Variants in ASRGL1 observed in about 807,000 individuals in gnomAD.
The protein encoded by ASRGL1 is asparaginase and isoaspartyl peptidase 1.
Under a neutral mutation model 22.4 loss-of-function variants are expected in ASRGL1, and 16 were observed. The ratio of observed to expected loss-of-function variants is 0.71; its 90% CI spans 0.48 to 1.08. The LOEUF is 1.08. ASRGL1 is among the 50% of genes least tolerant of loss of function. The probability of loss-of-function intolerance (pLI) is 0.00; values close to 1 mark genes in which losing one functional copy is unlikely to be tolerated. For synonymous variants in ASRGL1, 165 were observed against 159.3 expected, an observed-to-expected ratio of 1.04 and a Z score of -0.27; for missense variants, 412 against 410.1, an observed-to-expected ratio of 1.00 and a Z score of -0.04.
chr11:62,381,232 TG>T (rs1250015368), intron 4 of ASRGL1, among the ~76,000 whole-genome samples: 17 of 152,240 alleles, frequency 1.1e-4, no homozygotes, highest in Non-Finnish European at 2.9e-5. Flanking sequence ...TCTGAACCGC[TG>T]GAAGAGGAGT....
intron 4 of ASRGL1, among the ~76,000 whole-genome samples, chr11:62,369,873 T>C (rs1946717174): frequency 6.6e-6 from 1 of 152,198 alleles, no homozygotes; most frequent in South Asian, 2.1e-4. Context: ...AACGATGTTC[T>C]AAGCTCATGA....
chr11:62,384,894 C>T (rs1315327642), intron 4 of ASRGL1, among the ~76,000 whole-genome samples: 2 of 133,554 alleles, frequency 1.5e-5, no homozygotes, highest in Non-Finnish European at 3.2e-5. Flanking sequence ...CTCCAGCCTG[C>T]GCCACAGAGC....
chr11:62,374,189 C>T (rs555680512), intron 4 of ASRGL1, among the ~76,000 whole-genome samples: 10 of 152,328 alleles, frequency 6.6e-5, no homozygotes, highest in African/African-American at 2.4e-4. Flanking sequence ...GTCACGTTTG[C>T]TTGGCTCTAG....
downstream of ASRGL1, among the ~76,000 whole-genome samples, chr11:62,394,788 T>G (rs765156651): frequency 5.3e-5 from 8 of 152,172 alleles, no homozygotes; most frequent in Non-Finnish European, 7.4e-5. Context: ...CGTCAGCCCC[T>G]TTGTGCAAAG....
chr11:62,342,763 A>G (rs1401774911), intron 2 of ASRGL1, among the ~76,000 whole-genome samples: 2 of 152,176 alleles, frequency 1.3e-5, no homozygotes, highest in African/African-American at 4.8e-5. Context: ...GTCTCCAAAA[A>G]AAAAAAAAGT....
In ASRGL1 at chr11:62,337,488, G is replaced by A; in HGVS notation, c.-175G>A. 6.3e-6 allele frequency: 1 copy of A among 159,988 alleles called. No individual in the cohort carries two copies. The highest frequency in any genetic ancestry group is 1.4e-5 in the Non-Finnish European group (1 of 73,184). The allele number at this position is 159,988 out of a possible 1,614,324, so 9.9% of individuals were successfully genotyped here. Reference sequence around the variant, plus strand: ...GTTGCGGGCTGAGCGGTTTCGAGCCGGCGTCGGGGAGCGGCGGTACCGGGC... The same window carrying A: ...GTTGCGGGCTGAGCGGTTTCGAGCCAGCGTCGGGGAGCGGCGGTACCGGGC... On this transcript the variant is annotated 5_prime_UTR_variant, in exon 1 of 7. Coordinates refer to ENST00000415229, the MANE Select transcript of ASRGL1 (RefSeq NM_001083926.2).
chr11:62,362,670 ATATATATTATATAAAATATATAT>A (rs1565162441), intron 4 of ASRGL1, among the ~76,000 whole-genome samples: 12 of 33,408 alleles, frequency 3.6e-4, no homozygotes, highest in South Asian at 1.6e-3. Context: ...AAAATATATA[ATATATATTATATAAAATATATAT>A]TATATATTAT....
At chr11:62,388,524 C>T (rs1947265660) in intron 4 of ASRGL1, among the ~76,000 whole-genome samples, 1 of 151,858 alleles carries the variant, frequency 6.6e-6, no homozygotes, top group South Asian at 2.1e-4. Flanking sequence ...ATAAAAATTA[C>T]CCAGGTGTGG....
intron 4 of ASRGL1, among the ~76,000 whole-genome samples, chr11:62,385,667 C>A (rs1947183511): frequency 6.6e-6 from 1 of 151,964 alleles, no homozygotes; most frequent in Non-Finnish European, 1.5e-5. Flanking sequence ...GAGTTTGAGA[C>A]CAGCCTGACC....
chr11:62,399,733 A>T, the ASRGL1 span, among the ~76,000 whole-genome samples: 1 of 152,140 alleles, frequency 6.6e-6, no homozygotes, highest in Non-Finnish European at 1.5e-5. Flanking sequence ...AGCTCCCAGG[A>T]TGGGGTACAG....
chr11:62,377,897 GAGAATGTGCAGTAGCAAAAATCAAA>G (rs1172932242), intron 4 of ASRGL1, among the ~76,000 whole-genome samples: 1 of 152,214 alleles, frequency 6.6e-6, no homozygotes, highest in Non-Finnish European at 1.5e-5. Flanking sequence ...ATGCCTGCTG[GAGAATGTGCAGTAGCAAAAATCAAA>G]AGTTGGAGTG....
chr11:62,344,508 G>A (rs1490377576), intron 2 of ASRGL1, among the ~76,000 whole-genome samples: 1 of 150,606 alleles, frequency 6.6e-6, no homozygotes, highest in Admixed American at 6.6e-5. Context: ...CATTTTTCTT[G>A]TGTTGTCTTC....
At chr11:62,356,211 C>T in intron 2 of ASRGL1, 114 bp from the exon 3 acceptor site, 1 of 1,303,012 alleles carries the variant, frequency 7.7e-7, no homozygotes, top group Non-Finnish European at 1.1e-6. Context: ...GGCAGAGGCG[C>T]CCCTCACCTC....
At chr11:62,338,292 G>C (rs1945777477) in intron 2 of ASRGL1, 125 bp downstream of exon 2, 1 of 1,035,744 alleles carries the variant, frequency 9.7e-7, no homozygotes, top group East Asian at 3.0e-5. Flanking sequence ...ATGTAAAAAA[G>C]AAACAATATT....
At chr11:62,369,045 G>A (rs1946692068) in intron 4 of ASRGL1, among the ~76,000 whole-genome samples, 1 of 152,118 alleles carries the variant, frequency 6.6e-6, no homozygotes, top group Admixed American at 6.5e-5. Context: ...ACGGGTGTCA[G>A]GCTGGGGGAC....
At chr11:62,388,389 A>G (rs1947262599) in intron 4 of ASRGL1, among the ~76,000 whole-genome samples, 1 of 152,192 alleles carries the variant, frequency 6.6e-6, no homozygotes, top group African/African-American at 2.4e-5. Context: ...AGGATCAGCC[A>G]GGCACAGTGG....
chr11:62,367,509 T>C (rs1946641968), intron 4 of ASRGL1, among the ~76,000 whole-genome samples: 1 of 151,748 alleles, frequency 6.6e-6, no homozygotes, highest in African/African-American at 2.4e-5. Context: ...TTGGGCGTGG[T>C]GGCGCATGCC....
At chr11:62,344,704 A>G (rs1011456242) in intron 2 of ASRGL1, among the ~76,000 whole-genome samples, 2 of 152,110 alleles carry the variant, frequency 1.3e-5, no homozygotes, top group African/African-American at 4.8e-5. Context: ...TGGGATATTC[A>G]TCCCTTCAAG....
intron 2 of ASRGL1, among the ~76,000 whole-genome samples, chr11:62,355,519 C>A (rs1946265054): frequency 6.6e-6 from 1 of 151,860 alleles, no homozygotes; most frequent in Non-Finnish European, 1.5e-5. Context: ...CCGCTGTGCC[C>A]GGCCAAGATT....
Sources: allele counts gnomAD v4.1 joint callset (sites outside exome capture counted in the v4.1 genomes callset), GRCh38; gene constraint gnomAD v4.1.1; transcripts MANE v1.5; gene names NCBI Gene and HGNC (gene_info 2026-07-23, HGNC 2026-07-21).